The following TRPC1 variants were observed in gnomAD, a reference collection of about 807,000 sequenced individuals.
TRPC1 encodes short transient receptor potential channel 1.
TRPC1 carries 42 observed loss-of-function variants against 88.2 expected under a neutral mutation model. That is an observed-to-expected ratio of 0.48 (90% confidence interval 0.37 to 0.62). The LOEUF is 0.62. TRPC1 is among the 20% of genes least tolerant of loss of function. The pLI, the probability that TRPC1 is intolerant of heterozygous loss-of-function variation, is 0.00. For missense variants in TRPC1, 699 were observed against 957.3 expected, an observed-to-expected ratio of 0.73 and a Z score of 3.56; for synonymous variants, 288 against 331.8, an observed-to-expected ratio of 0.87 and a Z score of 1.43.
In TRPC1 at chr3:142,781,439, T is replaced by C. The variant is rs377028585; in HGVS notation, c.960+410T>C. 1.2e-4 allele frequency among the ~76,000 whole-genome samples: 18 copies of C among 152,236 alleles called. No individual in the cohort carries two copies. The East Asian group carries it at 3.1e-3, about 26-fold the overall frequency. On this transcript the variant is annotated intron_variant, in intron 6 of 12. Transcript: ENST00000476941. ...CACAGGTTGGTTTTCATTGATCTGGTTATAAATAGCCCCTTCTATAGTAAT... is the reference window on the plus strand; with the variant it reads ...CACAGGTTGGTTTTCATTGATCTGGCTATAAATAGCCCCTTCTATAGTAAT...
chr3:142,782,177 A>C (rs1935980601), intron 6 of TRPC1, among the ~76,000 whole-genome samples: 1 of 152,184 alleles, frequency 6.6e-6, no homozygotes, highest in Admixed American at 6.5e-5. Flanking sequence ...TTTAGGAAAA[A>C]AAATCTTAAG....
chr3:142,726,098 G>A (rs1933660023), intron 1 of TRPC1, among the ~76,000 whole-genome samples: 1 of 152,140 alleles, frequency 6.6e-6, no homozygotes, highest in Non-Finnish European at 1.5e-5. Context: ...TAGTATTGCT[G>A]GAGTGGGTTG....
chr3:142,779,160 G>A (rs189375242), intron 5 of TRPC1, among the ~76,000 whole-genome samples: 9 of 152,224 alleles, frequency 5.9e-5, no homozygotes, highest in East Asian at 3.9e-4. Flanking sequence ...GTTAGATTTG[G>A]AAGCGATCAT....
At chr3:142,731,848 G>T (rs2108012272) in intron 1 of TRPC1, among the ~76,000 whole-genome samples, 1 of 152,064 alleles carries the variant, frequency 6.6e-6, no homozygotes, top group South Asian at 2.1e-4. Context: ...ATTTCAAATG[G>T]TTAAAAAAAA....
In TRPC1 at chr3:142,792,551, TA is replaced by T. The variant is rs1228339891; in HGVS notation, c.1438-271del. Among the ~76,000 whole-genome samples the T allele has an allele frequency of 6.6e-6, 1 of 152,024 alleles. No individual in the cohort carries two copies. Among genetic ancestry groups the T allele is most frequent in the Non-Finnish European group, 1.5e-5 (1 of 67,950 alleles). On this transcript the variant is annotated intron_variant, in intron 8 of 12. Transcript: ENST00000476941. The surrounding 1 kb of genome is among the most constrained non-coding windows in gnomAD (Gnocchi z 4.0). ...GCCAACATTTCATTAATAAAAAGCT[TA>T]ATGATCATTTAAAAAATTATTTAAT...
chr3:142,773,558 G>C (rs1935652753), intron 4 of TRPC1, among the ~76,000 whole-genome samples: 1 of 149,634 alleles, frequency 6.7e-6, no homozygotes, highest in Admixed American at 6.7e-5. Flanking sequence ...CCAGCATCCT[G>C]ACATCTGGTC....
chr3:142,784,215 C>A lies in TRPC1; in HGVS notation c.961-489C>A, dbSNP rs1936057833. On this transcript the variant is annotated intron_variant, in intron 6 of 12. Transcript: ENST00000476941. ...GATGTCCAACATTAGTTAGTGGTATCTTTTTCTATGGATTGTGCATGATAA... is the reference window on the plus strand; with the variant it reads ...GATGTCCAACATTAGTTAGTGGTATATTTTTCTATGGATTGTGCATGATAA... Among the ~76,000 whole-genome samples the A allele has an allele frequency of 2.7e-5, 4 of 148,712 alleles. No homozygotes were observed. The South Asian group carries it at 8.4e-4, about 31-fold the overall frequency.
chr3:142,782,499 TA>T (rs1935994517), intron 6 of TRPC1, among the ~76,000 whole-genome samples: 1 of 152,198 alleles, frequency 6.6e-6, no homozygotes, highest in South Asian at 2.1e-4. Context: ...ATAGTTATTT[TA>T]TAATAATTTC....
intron 1 of TRPC1, among the ~76,000 whole-genome samples, chr3:142,735,515 G>A (rs1324351746): frequency 1.3e-5 from 2 of 152,038 alleles, no homozygotes; most frequent in African/African-American, 4.8e-5. Flanking sequence ...TATTTAATTA[G>A]CATTTCTCTT....
chr3:142,796,165 G>A (rs1936443291), intron 9 of TRPC1, among the ~76,000 whole-genome samples: 1 of 152,028 alleles, frequency 6.6e-6, no homozygotes. Flanking sequence ...ACTTGCGCAA[G>A]GTCACATGGT....
intron 7 of TRPC1, among the ~76,000 whole-genome samples, chr3:142,790,794 A>T (rs1273058740): frequency 6.6e-6 from 1 of 152,126 alleles, no homozygotes; most frequent in African/African-American, 2.4e-5. Flanking sequence ...TTTGTTCCAC[A>T]TCCAAAGATG....
chr3:142,803,877 T>C (rs1936695919), intron 10 of TRPC1, 100 bp from the exon 11 acceptor site: 6 of 1,217,954 alleles, frequency 4.9e-6, no homozygotes, highest in Non-Finnish European at 6.9e-6. Context: ...TTTTCATGGA[T>C]TATCAATGTT....
At chr3:142,735,406 G>GC (rs1466467320) in intron 1 of TRPC1, among the ~76,000 whole-genome samples, 4 of 151,940 alleles carry the variant, frequency 2.6e-5, no homozygotes, top group Non-Finnish European at 4.4e-5. Flanking sequence ...CTTCTAATGA[G>GC]CAACTGTATT....
intron 7 of TRPC1, among the ~76,000 whole-genome samples, chr3:142,788,828 A>G (rs531293547): frequency 1.6e-4 from 24 of 152,074 alleles, no homozygotes; most frequent in Non-Finnish European, 2.9e-4. Flanking sequence ...TCAACTTACT[A>G]TGTTCTTTGT....
chr3:142,806,255 G>A lies in TRPC1; in HGVS notation c.*20G>A. 1 of 1,580,156 alleles carries A rather than the reference G, an allele frequency of 6.3e-7. No homozygotes were observed. ...AATTAACCATTTTCTAAATCATGGA[G>A]CGAATAATTTTCAATAACAGATCCA... On this transcript the variant is annotated 3_prime_UTR_variant, in exon 13 of 13. Coordinates refer to ENST00000476941, the MANE Select transcript of TRPC1 (RefSeq NM_001251845.2).
intron 4 of TRPC1, among the ~76,000 whole-genome samples, chr3:142,757,279 GTTCT>G (rs1216996405): frequency 1.3e-5 from 2 of 151,494 alleles, no homozygotes; most frequent in Admixed American, 1.3e-4. Flanking sequence ...TCATATGGTA[GTTCT>G]TTTTTTTAAA....
intron 2 of TRPC1, among the ~76,000 whole-genome samples, chr3:142,738,849 A>G (rs770340913): frequency 1.3e-5 from 2 of 152,198 alleles, no homozygotes. Flanking sequence ...AATAATTGCT[A>G]ACATTTATAT....
chr3:142,775,443 A>G (rs1410976853), intron 4 of TRPC1, among the ~76,000 whole-genome samples: 2 of 151,986 alleles, frequency 1.3e-5, no homozygotes, highest in African/African-American at 4.8e-5. Flanking sequence ...ATATGGCAAA[A>G]CCCCGTCTTT....
intron 9 of TRPC1, among the ~76,000 whole-genome samples, chr3:142,799,305 C>T (rs1050903377): frequency 6.6e-6 from 1 of 152,082 alleles, no homozygotes; most frequent in African/African-American, 2.4e-5. Context: ...CCGCCAAGTA[C>T]TTTTTAAAAA....
Sources: allele counts gnomAD v4.1 joint callset (sites outside exome capture counted in the v4.1 genomes callset), GRCh38; gene constraint gnomAD v4.1.1; non-coding constraint Gnocchi (gnomAD v3.1); transcripts MANE v1.5; gene names NCBI Gene and HGNC (gene_info 2026-07-23, HGNC 2026-07-21).